RAPGEF2: variants seen among roughly 807,000 people sequenced by gnomAD.
RAPGEF2 encodes Rap guanine nucleotide exchange factor 2, also known as PDZ domain containing guanine nucleotide exchange factor (GEF) 1.
A neutral mutation model predicts 186.7 loss-of-function variants in RAPGEF2; 54 were observed. The ratio of observed to expected loss-of-function variants is 0.29; its 90% CI spans 0.23 to 0.36. The LOEUF is 0.36. RAPGEF2 is among the 10% of genes least tolerant of loss of function. The probability of loss-of-function intolerance (pLI) is 1.00; values close to 1 mark genes in which losing one functional copy is unlikely to be tolerated. For missense variants in RAPGEF2, 1,532 were observed against 2,045.0 expected (o/e 0.75, Z 4.84); for synonymous variants, 712 against 705.9 (o/e 1.01, Z -0.14).
chr4:159,261,060 A>G lies in RAPGEF2; in HGVS notation c.543+17269A>G, dbSNP rs116491588. Reference sequence around the variant, plus strand: ...GTGAGCCACTGTGCCCCACCAGGAAAAGGTTAATTTTTTTTTTTTTTAGAC... The same window carrying G: ...GTGAGCCACTGTGCCCCACCAGGAAGAGGTTAATTTTTTTTTTTTTTAGAC... On this transcript the variant is annotated intron_variant, in intron 7 of 29. Coordinates refer to ENST00000691494, the MANE Select transcript of RAPGEF2 (RefSeq NM_001394067.2). Among the ~76,000 whole-genome samples, 936 of 145,744 alleles carry G rather than the reference A, an allele frequency of 6.4e-3. 9 individuals carry two copies. The highest frequency in any genetic ancestry group is 0.022 in the African/African-American group (892 of 40,422).
intron 4 of RAPGEF2, among the ~76,000 whole-genome samples, chr4:159,233,539 G>A (rs577657900): frequency 1.2e-4 from 18 of 152,174 alleles, no homozygotes; most frequent in Admixed American, 5.9e-4. Context: ...ACCAAACATC[G>A]TATGTTCTCA....
intron 1 of RAPGEF2, among the ~76,000 whole-genome samples, chr4:159,155,201 T>C (rs1052098685): frequency 1.3e-5 from 2 of 152,006 alleles, no homozygotes; most frequent in Non-Finnish European, 2.9e-5. Context: ...GAGGAGACAA[T>C]GAGATTTTTT....
In RAPGEF2 at chr4:159,200,362, G is replaced by A. The variant is rs555021236; in HGVS notation, c.197+7106G>A. Among the ~76,000 whole-genome samples the A allele has an allele frequency of 3.9e-5, 6 of 152,244 alleles. No individual in the cohort carries two copies. In the South Asian group the frequency reaches 1.2e-3, roughly 32 times the overall value. On this transcript the variant is annotated intron_variant, in intron 3 of 29. Transcript: ENST00000691494. ...ACCTCTGTGGTCCCAGCACTGCTCA[G>A]GAGGCTGAGGTGGGAAGGTCACTTG...
intron 7 of RAPGEF2, among the ~76,000 whole-genome samples, chr4:159,285,447 A>G (rs970348943): frequency 6.6e-6 from 1 of 152,198 alleles, no homozygotes; most frequent in Non-Finnish European, 1.5e-5. Context: ...AAAGAACAGA[A>G]TTTATTTACA....
At chr4:159,331,243 C>A (rs111962537) in intron 13 of RAPGEF2, among the ~76,000 whole-genome samples, 188 bp from the exon 14 acceptor site, 3,413 of 152,224 alleles carry the variant, frequency 0.022, 139 homozygotes, top group African/African-American at 0.078. Context: ...AACATGAAGT[C>A]TATATTCAAA....
chr4:159,341,068 A>G (rs1445633366), intron 19 of RAPGEF2, among the ~76,000 whole-genome samples: 1 of 152,176 alleles, frequency 6.6e-6, no homozygotes, highest in Non-Finnish European at 1.5e-5. Context: ...GAAGTAGCTT[A>G]GGGTTTCTTA....
At chr4:159,133,123 G>A (rs1741291832) in intron 1 of RAPGEF2, among the ~76,000 whole-genome samples, 3 of 151,940 alleles carry the variant, frequency 2.0e-5, no homozygotes, top group Non-Finnish European at 4.4e-5. Flanking sequence ...TTAATGTAAA[G>A]TATAGTTTGG....
intron 19 of RAPGEF2, among the ~76,000 whole-genome samples, chr4:159,340,607 T>C (rs928101820): frequency 3.3e-5 from 5 of 151,524 alleles, no homozygotes; most frequent in African/African-American, 1.2e-4. Context: ...TTATGGAATT[T>C]TCACAGAGAA....
chr4:159,358,724 A>G lies in RAPGEF2; in HGVS notation c.*585A>G, dbSNP rs942924202. 3.3e-5 allele frequency: 5 copies of G among 152,128 alleles called. No individual in the cohort carries two copies. Among genetic ancestry groups the G allele is most frequent in the African/African-American group, 1.2e-4 (5 of 41,416 alleles). 9.4% of individuals were successfully genotyped at this position (152,128 alleles called of 1,614,324 possible). On this transcript the variant is annotated 3_prime_UTR_variant, in exon 30 of 30. Coordinates refer to ENST00000691494, the MANE Select transcript of RAPGEF2 (RefSeq NM_001394067.2). ...TTGTTCAGAGAGTAAATATATATCCATTTAATGATTACAGTATTATTTTAA... is the reference window on the plus strand; with the variant it reads ...TTGTTCAGAGAGTAAATATATATCCGTTTAATGATTACAGTATTATTTTAA...
At chr4:159,342,842 C>G in intron 20 of RAPGEF2, 137 bp from the exon 21 acceptor site, 1 of 832,754 alleles carries the variant, frequency 1.2e-6, no homozygotes. Flanking sequence ...CCAGAATTAT[C>G]ATGAACAGTT....
chr4:159,331,298 A>T, intron 13 of RAPGEF2, 133 bp from the exon 14 acceptor site: 1 of 580,194 alleles, frequency 1.7e-6, no homozygotes, highest in Non-Finnish European at 3.0e-6. Flanking sequence ...TTAAGATTTT[A>T]TTATTGTTAA....
intron 4 of RAPGEF2, among the ~76,000 whole-genome samples, chr4:159,219,439 C>T (rs1227620803): frequency 2.7e-4 from 41 of 149,574 alleles, no homozygotes; most frequent in South Asian, 1.1e-3. Flanking sequence ...CACTGCAAGC[C>T]CCGCCTCCCG....
chr4:159,203,634 G>A (rs1451980026), intron 3 of RAPGEF2, among the ~76,000 whole-genome samples: 1 of 152,148 alleles, frequency 6.6e-6, no homozygotes, highest in African/African-American at 2.4e-5. Flanking sequence ...AACCTTTGTG[G>A]CATAGGTGGA....
At chr4:159,291,502 C>T (rs1007691817) in intron 7 of RAPGEF2, among the ~76,000 whole-genome samples, 1 of 152,020 alleles carries the variant, frequency 6.6e-6, no homozygotes, top group Non-Finnish European at 1.5e-5. Flanking sequence ...TGCCATGTTG[C>T]CCAGGCTGGT....
chr4:159,164,039 G>C (rs181987582), intron 1 of RAPGEF2, among the ~76,000 whole-genome samples: 7 of 150,370 alleles, frequency 4.7e-5, no homozygotes, highest in African/African-American at 1.2e-4. Context: ...GAGTCTCGCC[G>C]TGTCCCCCAG....
intron 7 of RAPGEF2, among the ~76,000 whole-genome samples, chr4:159,270,941 T>C (rs2110812524): frequency 6.6e-6 from 1 of 152,322 alleles, no homozygotes; most frequent in African/African-American, 2.4e-5. Flanking sequence ...AATATAAAAA[T>C]GTAAAAATCT....
intron 1 of RAPGEF2, among the ~76,000 whole-genome samples, chr4:159,124,721 A>G (rs1740093409): frequency 6.6e-6 from 1 of 152,180 alleles, no homozygotes; most frequent in Non-Finnish European, 1.5e-5. Flanking sequence ...CTTCCTAAAT[A>G]TAGCCAAGCA....
chr4:159,343,174 C>T lies in RAPGEF2; in HGVS notation c.3114C>T (p.Leu1038=), dbSNP rs760132904. ...IPLFPVIKKD[L]TFLHEGNDSK... ...TATTCCCAGTTATCAAAAAGGATCT[C>T]ACCTTCCTTCACGAAGGTAAACATA... The change falls in exon 21 of 30, where the codon CTC becomes CTT. Residue 1038 remains leucine (L), a synonymous_variant. Coordinates refer to ENST00000691494, the MANE Select transcript of RAPGEF2 (RefSeq NM_001394067.2). 11 of 1,613,956 alleles carry T rather than the reference C, an allele frequency of 6.8e-6. No homozygotes were observed. The highest frequency in any genetic ancestry group is 9.3e-6 in the Non-Finnish European group (11 of 1,179,906).
intron 8 of RAPGEF2, 151 bp from the exon 9 acceptor site, chr4:159,314,440 T>A: frequency 1.5e-6 from 1 of 670,348 alleles, no homozygotes; most frequent in Non-Finnish European, 2.2e-6. Flanking sequence ...TTAAAGTAAT[T>A]GTTACATGTA....
Sources: gnomAD v4.1 joint callset for allele counts (sites outside exome capture counted in the v4.1 genomes callset) on GRCh38, gnomAD v4.1.1 for gene constraint, MANE v1.5 for transcripts, NCBI Gene and HGNC (gene_info 2026-07-23, HGNC 2026-07-21) for gene names.